NR2C2: variants seen among roughly 807,000 people sequenced by gnomAD.
NR2C2 encodes the protein Nuclear hormone receptor TR4.
In NR2C2, 6 loss-of-function variants were observed where a neutral mutation model predicts 62.9. The observed-to-expected ratio is 0.10, with a 90% CI of 0.05 to 0.19. The LOEUF (loss-of-function observed/expected upper bound fraction) is 0.19, where lower values mean the gene tolerates loss of function less well. Among genes scored for constraint, NR2C2 ranks in the 10% least tolerant of loss-of-function variants. NR2C2 has a pLI of 1.00. For missense variants in NR2C2, 479 were observed against 762.7 expected (o/e 0.63, Z 4.38); for synonymous variants, 272 against 273.8 (o/e 0.99, Z 0.07).
At chr3:15,005,278 A>G (rs899600204) in intron 2 of NR2C2, among the ~76,000 whole-genome samples, 1 of 150,316 alleles carries the variant, frequency 6.7e-6, no homozygotes. Flanking sequence ...CCTCTACCTC[A>G]GAGGCTCAAG....
chr3:14,979,029 C>T (rs969759882), intron 1 of NR2C2, among the ~76,000 whole-genome samples: 1 of 152,152 alleles, frequency 6.6e-6, no homozygotes, highest in African/African-American at 2.4e-5. Context: ...TTAATATCCC[C>T]CCATAGTCAT....
chr3:15,033,023 C>T (rs763724693), intron 10 of NR2C2, among the ~76,000 whole-genome samples: 88 of 150,144 alleles, frequency 5.9e-4, no homozygotes, highest in Non-Finnish European at 1.0e-3. Context: ...CCTCTAAATA[C>T]CAGCATCGGC....
intron 7 of NR2C2, among the ~76,000 whole-genome samples, chr3:15,028,023 T>TA (rs2041871859): frequency 6.6e-6 from 1 of 152,110 alleles, no homozygotes; most frequent in Non-Finnish European, 1.5e-5. Context: ...CATGCCTGGC[T>TA]AATTTTTTGC....
chr3:15,029,452 C>CA (rs1478113671), intron 8 of NR2C2, among the ~76,000 whole-genome samples: 2 of 152,192 alleles, frequency 1.3e-5, no homozygotes, highest in African/African-American at 4.8e-5. Context: ...GGAGACTATA[C>CA]AAGTGTTCCA....
At chr3:15,035,126 T>C (rs1293512936) in intron 11 of NR2C2, among the ~76,000 whole-genome samples, 1 of 152,130 alleles carries the variant, frequency 6.6e-6, no homozygotes, top group African/African-American at 2.4e-5. Context: ...ACCTTGTCTT[T>C]ACAAAAAGTA....
At chr3:15,020,667 A>C in intron 4 of NR2C2, 86 bp from the exon 5 acceptor site, 1 of 1,486,354 alleles carries the variant, frequency 6.7e-7, no homozygotes. Flanking sequence ...CTTCAATGAG[A>C]CTTGCACAGG....
chr3:15,010,997 C>T (rs1046075438), intron 2 of NR2C2, among the ~76,000 whole-genome samples: 2 of 152,162 alleles, frequency 1.3e-5, no homozygotes, highest in Admixed American at 6.5e-5. Context: ...AATCACATAA[C>T]TGTCATTTCT....
chr3:15,004,578 C>T, intron 2 of NR2C2: 1 of 1,612,654 alleles, frequency 6.2e-7, no homozygotes, highest in Non-Finnish European at 8.5e-7. Context: ...TGCCTCTGGC[C>T]CATTGAGTGT....
chr3:15,030,255 T>A lies in NR2C2; in HGVS notation c.933-20T>A. On this transcript the variant is annotated intron_variant, in intron 8 of 13. Transcript: ENST00000425241. ...AAGCTGTAGATTCACAACAATTACA[T>A]GCTTCATTTTTGCTCACAGGGCATT... The A allele has an allele frequency of 6.2e-7, 1 of 1,600,816 alleles. No individual in the cohort carries two copies. The highest frequency in any genetic ancestry group is 8.5e-7 in the Non-Finnish European group (1 of 1,173,842).
chr3:15,027,069 G>A (rs1264509989), intron 7 of NR2C2: 3 of 152,338 alleles, frequency 2.0e-5, no homozygotes, highest in African/African-American at 7.2e-5. Context: ...GTTTCACCAT[G>A]TTGGTCAGGC....
intron 1 of NR2C2, among the ~76,000 whole-genome samples, chr3:14,962,863 C>T (rs1297486208): frequency 1.3e-5 from 2 of 152,144 alleles, no homozygotes; most frequent in Non-Finnish European, 2.9e-5. Flanking sequence ...TATGTCCATT[C>T]AGCAGTCATT....
intron 3 of NR2C2, among the ~76,000 whole-genome samples, chr3:15,014,995 G>A (rs2041468132): frequency 6.6e-6 from 1 of 152,118 alleles, no homozygotes; most frequent in Admixed American, 6.5e-5. Context: ...TGATTGAGCT[G>A]GGATCAGAAC....
chr3:14,992,297 T>C (rs2040694489), intron 1 of NR2C2, among the ~76,000 whole-genome samples: 1 of 151,626 alleles, frequency 6.6e-6, no homozygotes, highest in Non-Finnish European at 1.5e-5. Context: ...TAAACCCCCC[T>C]GTGTCGGTGG....
chr3:14,983,025 T>G (rs560958317), intron 1 of NR2C2, among the ~76,000 whole-genome samples: 7 of 152,352 alleles, frequency 4.6e-5, no homozygotes, highest in Admixed American at 2.0e-4. Flanking sequence ...ATGAGATATT[T>G]TGGTACAAGT....
At position 14,973,821 on chromosome 3, in the gene NR2C2, T is replaced by C. The variant is rs573651937; in HGVS notation, c.-40+25915T>C. On this transcript the variant is annotated intron_variant, in intron 1 of 13. Transcript: ENST00000425241. ...CCACATAACATAAAATTTACTCTCTTAACCGTTTTTAAGTACGGATGTTCC... is the reference window on the plus strand; with the variant it reads ...CCACATAACATAAAATTTACTCTCTCAACCGTTTTTAAGTACGGATGTTCC... 4.6e-5 allele frequency among the ~76,000 whole-genome samples: 7 copies of C among 152,310 alleles called. No individual in the cohort carries two copies. In the South Asian group the frequency reaches 6.2e-4, roughly 14 times the overall value.
At position 15,013,503 on chromosome 3, in the gene NR2C2, T is replaced by G. The variant is rs921535920; in HGVS notation, c.73-86T>G. On this transcript the variant is annotated intron_variant, in intron 2 of 13. Coordinates refer to ENST00000425241, the MANE Select transcript of NR2C2 (RefSeq NM_001291694.2). ...ACAGCATTAATTCAAGGACTGGTTT[T>G]TGGCAGTCACCACTTTGAGCACCAC... The G allele has an allele frequency of 3.5e-6, 4 of 1,150,992 alleles. No homozygotes were observed. The African/African-American group carries it at 6.1e-5, about 17-fold the overall frequency. The allele number at this position is 1,150,992 out of a possible 1,614,324, so 71.3% of individuals were successfully genotyped here.
At chr3:14,988,953 C>A (rs549598557) in intron 1 of NR2C2, among the ~76,000 whole-genome samples, 1 of 152,176 alleles carries the variant, frequency 6.6e-6, no homozygotes, top group Non-Finnish European at 1.5e-5. Flanking sequence ...TTTCAGCCTC[C>A]TTCTCCACCC....
intron 1 of NR2C2, among the ~76,000 whole-genome samples, chr3:14,971,587 G>T (rs919788636): frequency 6.6e-6 from 1 of 151,550 alleles, no homozygotes. Flanking sequence ...CTGCAACCAT[G>T]TTACATTCTT....
At position 15,028,703 on chromosome 3, in the gene NR2C2, G is replaced by T. The variant is rs777565688; in HGVS notation, c.916G>T (p.Ala306Ser). The change falls in exon 8 of 14, where the codon GCA (alanine) becomes TCA (serine). Residue 306 changes from alanine (A) to serine (S), a missense_variant. This residue lies in a region of NR2C2 where 151 missense variants were observed against 176.1 expected (regional missense o/e 0.86). Coordinates refer to ENST00000425241, the MANE Select transcript of NR2C2 (RefSeq NM_001291694.2). Reference protein sequence around the residue: ...TSEIQPEDQSASEITRAFDTL... With the variant: ...TSEIQPEDQSSSEITRAFDTL... ...AGAAATCCAGCCAGAGGACCAGTCT[G>T]CAAGTGAGATAACTCGGTACGAGCC... 2 of 1,614,032 alleles carry T rather than the reference G, an allele frequency of 1.2e-6. No individual in the cohort carries two copies. Among genetic ancestry groups the T allele is most frequent in the East Asian group, 4.5e-5 (2 of 44,880 alleles).
Sources: gnomAD v4.1 joint callset for allele counts (sites outside exome capture counted in the v4.1 genomes callset) on GRCh38, gnomAD v4.1.1 for gene constraint, gnomAD v4.1.1 regional missense constraint, MANE v1.5 for transcripts, NCBI Gene and HGNC (gene_info 2026-07-23, HGNC 2026-07-21) for gene names.